The following PCBP3 variants were observed in gnomAD, a reference collection of about 807,000 sequenced individuals.
PCBP3 encodes the protein poly(rC) binding protein 3.
In PCBP3, 25 loss-of-function variants were observed where a neutral mutation model predicts 52.7. The ratio of observed to expected loss-of-function variants is 0.47; its 90% CI spans 0.35 to 0.66. The LOEUF (loss-of-function observed/expected upper bound fraction) is 0.66. PCBP3 is among the 30% of genes least tolerant of loss of function. PCBP3 has a pLI of 0.01. For missense variants in PCBP3, 391 were observed against 490.3 expected (o/e 0.80, Z 1.91); for synonymous variants, 162 against 183.0 (o/e 0.89, Z 0.93).
chr21:45,764,119 C>CTTTTTTTTTTTTTTT (rs71185167), intron 4 of PCBP3, among the ~76,000 whole-genome samples: 10 of 119,778 alleles, frequency 8.3e-5, no homozygotes, highest in East Asian at 2.2e-4. Context: ...TTTTTTTTTT[C>CTTTTTTTTTTTTTTT]TTTTTTTTTT....
Position 45,814,596 on chromosome 21 carries a change from GTGAGTGA to G in PCBP3, c.-125-35358_-125-35352del, listed in dbSNP as rs1205469726. ...GTGAGTGGTGAGTGATGAGTGGTGA[GTGAGTGA>G]TGAGTGGTGAGTGGTGAGTGATGAG... On this transcript the variant is annotated intron_variant, in intron 4 of 17. Coordinates refer to ENST00000681687, the MANE Select transcript of PCBP3 (RefSeq NM_001384156.1). Among the ~76,000 whole-genome samples, 140 of 135,948 alleles carry G rather than the reference GTGAGTGA, an allele frequency of 1.0e-3. 3 individuals are homozygous for G. Among genetic ancestry groups the G allele is most frequent in the Non-Finnish European group, 1.7e-3 (106 of 63,314 alleles). 89.2% of individuals were successfully genotyped at this position (135,948 alleles called of 152,430 possible). A position where few individuals can be genotyped will look rare whatever the true frequency, so the allele number is the denominator to read the frequency against.
At chr21:45,644,904 T>G (rs2079155659) in intron 1 of PCBP3, among the ~76,000 whole-genome samples, 1 of 152,244 alleles carries the variant, frequency 6.6e-6, no homozygotes, top group Non-Finnish European at 1.5e-5. Context: ...CCTTTTTCTT[T>G]TCTTTGGACT....
At chr21:45,787,135 A>C (rs2091218071) in intron 4 of PCBP3, among the ~76,000 whole-genome samples, 1 of 152,220 alleles carries the variant, frequency 6.6e-6, no homozygotes, top group African/African-American at 2.4e-5. Flanking sequence ...AAATCATAAA[A>C]TGCTTGAAAA....
At chr21:45,819,493 A>G (rs1190911581) in intron 4 of PCBP3, among the ~76,000 whole-genome samples, 1 of 152,190 alleles carries the variant, frequency 6.6e-6, no homozygotes, top group Non-Finnish European at 1.5e-5. Context: ...CAGAGACCAC[A>G]CCTGGCACGA....
intron 5 of PCBP3, among the ~76,000 whole-genome samples, chr21:45,882,695 TTTTA>T (rs1263650960): frequency 6.6e-6 from 1 of 152,206 alleles, no homozygotes; most frequent in Non-Finnish European, 1.5e-5. Flanking sequence ...TTGAGTTGAT[TTTTA>T]TAGATGGTGT....
intron 4 of PCBP3, among the ~76,000 whole-genome samples, chr21:45,844,335 C>T (rs2093760060): frequency 6.6e-6 from 1 of 152,190 alleles, no homozygotes; most frequent in African/African-American, 2.4e-5. Context: ...CACCTAAGGA[C>T]TCTTATGATT....
chr21:45,852,059 A>G (rs1364126341), intron 5 of PCBP3, among the ~76,000 whole-genome samples: 1 of 152,234 alleles, frequency 6.6e-6, no homozygotes, highest in African/African-American at 2.4e-5. Flanking sequence ...GACTATAGCT[A>G]ATAATAATAT....
intron 2 of PCBP3, among the ~76,000 whole-genome samples, chr21:45,676,189 G>A (rs187135075): frequency 9.1e-4 from 138 of 152,272 alleles, no homozygotes; most frequent in Non-Finnish European, 1.4e-3. Context: ...GGCATAAAAT[G>A]TCTGAAAATT....
At chr21:45,937,889 G>A (rs1450798067) in intron 16 of PCBP3, among the ~76,000 whole-genome samples, 2 of 152,268 alleles carry the variant, frequency 1.3e-5, no homozygotes, top group Non-Finnish European at 2.9e-5. Flanking sequence ...TGGCATTTGT[G>A]GTTAGGCGGG....
intron 2 of PCBP3, among the ~76,000 whole-genome samples, chr21:45,722,544 T>A (rs1231052145): frequency 1.3e-5 from 2 of 152,166 alleles, no homozygotes; most frequent in African/African-American, 4.8e-5. Flanking sequence ...CCATACAATC[T>A]TAAATAATAG....
intron 5 of PCBP3, among the ~76,000 whole-genome samples, chr21:45,892,257 G>A (rs894581688): frequency 2.0e-5 from 3 of 152,198 alleles, no homozygotes; most frequent in African/African-American, 7.2e-5. Context: ...GGCAGTCACC[G>A]TTTCCTGTCT....
intron 3 of PCBP3, among the ~76,000 whole-genome samples, chr21:45,738,073 G>A (rs571809670): frequency 6.6e-6 from 1 of 152,236 alleles, no homozygotes; most frequent in African/African-American, 2.4e-5. Context: ...CATTTTGCAG[G>A]TAAGGACCCA....
chr21:45,859,941 C>A (rs1433443744), intron 5 of PCBP3, among the ~76,000 whole-genome samples: 1 of 152,204 alleles, frequency 6.6e-6, no homozygotes, highest in Non-Finnish European at 1.5e-5. Context: ...AAAACCACAG[C>A]AGCTGTGCAC....
At chr21:45,935,191 C>T in intron 15 of PCBP3, 62 bp from the exon 16 acceptor site, 1 of 1,138,722 alleles carries the variant, frequency 8.8e-7, no homozygotes, top group Non-Finnish European at 1.3e-6. Flanking sequence ...GAGGGACAGG[C>T]ACTGGAGTGT....
chr21:45,780,374 G>C (rs1331010148), intron 4 of PCBP3, among the ~76,000 whole-genome samples: 1 of 152,236 alleles, frequency 6.6e-6, no homozygotes, highest in Admixed American at 6.5e-5. Flanking sequence ...ATAAATTCTA[G>C]TTATGATCTG....
At position 45,904,200 on chromosome 21, in the gene PCBP3, C is replaced by T. The variant is rs184760279; in HGVS notation, c.339+3087C>T. On this transcript the variant is annotated intron_variant, in intron 9 of 17. Coordinates refer to ENST00000681687, the MANE Select transcript of PCBP3 (RefSeq NM_001384156.1). The surrounding 1 kb of genome is among the most constrained non-coding windows in gnomAD (Gnocchi z 4.8). ...CATCTCTGCCGCAGCAGGGCAGAGTCGAGTATCAGGAATTCCTAAAGGTAC... is the reference window on the plus strand; with the variant it reads ...CATCTCTGCCGCAGCAGGGCAGAGTTGAGTATCAGGAATTCCTAAAGGTAC... Among the ~76,000 whole-genome samples the T allele has an allele frequency of 3.3e-5, 5 of 152,244 alleles. No individual in the cohort carries two copies. The highest frequency in any genetic ancestry group is 6.5e-5 in the Admixed American group (1 of 15,290).
At chr21:45,693,108 T>C (rs1337505994) in intron 2 of PCBP3, among the ~76,000 whole-genome samples, 3 of 152,126 alleles carry the variant, frequency 2.0e-5, no homozygotes, top group Non-Finnish European at 4.4e-5. Flanking sequence ...AAATTCTCAG[T>C]AAATTAGGAA....
rs2092326380 is a variant in PCBP3, at chr21:45,802,082, G to C, written c.-126+46630G>C. ...ATGATTCAGCAGTGACTTCTGGGCTGGGTGGTTAGCGGGGCTCCCTCCTTT... is the reference window on the plus strand; with the variant it reads ...ATGATTCAGCAGTGACTTCTGGGCTCGGTGGTTAGCGGGGCTCCCTCCTTT... On this transcript the variant is annotated intron_variant, in intron 4 of 17. Transcript: ENST00000681687. This position sits in a 1 kb window ranked among gnomAD's most constrained non-coding sequence, Gnocchi z 5.1. Among the ~76,000 whole-genome samples the C allele has an allele frequency of 6.6e-6, 1 of 152,196 alleles. No homozygotes were observed. Among genetic ancestry groups the C allele is most frequent in the Admixed American group, 6.5e-5 (1 of 15,284 alleles).
intron 15 of PCBP3, among the ~76,000 whole-genome samples, chr21:45,932,604 G>A (rs1205231399): frequency 3.3e-5 from 5 of 152,002 alleles, no homozygotes; most frequent in Admixed American, 2.6e-4. Flanking sequence ...ATGCTGTCCC[G>A]AGATGAATGA....
Sources: gnomAD v4.1 joint callset for allele counts (sites outside exome capture counted in the v4.1 genomes callset) on GRCh38, gnomAD v4.1.1 for gene constraint, Gnocchi (gnomAD v3.1) non-coding constraint, MANE v1.5 for transcripts, NCBI Gene and HGNC (gene_info 2026-07-23, HGNC 2026-07-21) for gene names.